The following ITGA9 variants were observed in gnomAD, a reference collection of about 807,000 sequenced individuals.
ITGA9 encodes the protein integrin subunit alpha 9.
Under a neutral mutation model 127.8 loss-of-function variants are expected in ITGA9, and 56 were observed. The ratio of observed to expected loss-of-function variants is 0.44; its 90% confidence interval spans 0.35 to 0.55. ITGA9 has a LOEUF of 0.55. ITGA9 is among the 20% of genes least tolerant of loss of function. The probability of loss-of-function intolerance (pLI) is 0.00; values close to 1 mark genes in which losing one functional copy is unlikely to be tolerated. For missense variants in ITGA9, 1,196 were observed against 1,347.1 expected (o/e 0.89, Z 1.76); for synonymous variants, 508 against 514.5 (o/e 0.99, Z 0.17).
intron 26 of ITGA9, among the ~76,000 whole-genome samples, chr3:37,785,325 A>G (rs1697026718): frequency 6.6e-6 from 1 of 152,198 alleles, no homozygotes; most frequent in Admixed American, 6.5e-5. Flanking sequence ...ATGATTGTCC[A>G]AAGGGAAAAT....
In ITGA9 at chr3:37,452,562, G is replaced by T; in HGVS notation, c.185+3G>T. On this transcript the variant is annotated splice_donor_region_variant and intron_variant, in intron 1 of 27. Coordinates refer to ENST00000264741, the MANE Select transcript of ITGA9 (RefSeq NM_002207.3). The surrounding 1 kb of genome is among the most constrained non-coding windows in gnomAD (Gnocchi z 7.3). The stretch of plus-strand genomic sequence containing the variant: ...CATTTCCACGACAACACGCGCTGGT[G>T]AGTGCCCGCCCGACTCCGCGACCCT... 6.6e-7 allele frequency: 1 copy of T among 1,516,360 alleles called. No individual in the cohort carries two copies. The highest frequency in any genetic ancestry group is 8.8e-7 in the Non-Finnish European group (1 of 1,131,320). 93.9% of individuals were successfully genotyped at this position (1,516,360 alleles called of 1,614,324 possible).
At chr3:37,539,239 T>C (rs1699242994) in intron 14 of ITGA9, among the ~76,000 whole-genome samples, 1 of 152,234 alleles carries the variant, frequency 6.6e-6, no homozygotes, top group Admixed American at 6.5e-5. Context: ...CCTGTGTTAA[T>C]ATGGGTTCTC....
At chr3:37,520,829 G>A (rs562268498) in intron 11 of ITGA9, among the ~76,000 whole-genome samples, 1 of 152,252 alleles carries the variant, frequency 6.6e-6, no homozygotes, top group South Asian at 2.1e-4. Context: ...CTCGGGCAGC[G>A]GTCAGGGTCA....
intron 4 of ITGA9, among the ~76,000 whole-genome samples, chr3:37,494,262 G>A (rs929243764): frequency 2.6e-5 from 4 of 152,174 alleles, no homozygotes; most frequent in African/African-American, 9.7e-5. Context: ...TCGCACACGA[G>A]GGGAGGAAGT....
At chr3:37,802,588 T>G (rs2125561915) in intron 26 of ITGA9, among the ~76,000 whole-genome samples, 1 of 152,212 alleles carries the variant, frequency 6.6e-6, no homozygotes, top group Non-Finnish European at 1.5e-5. Context: ...GGGACAGTGG[T>G]GTATTGGGGA....
chr3:37,741,066 A>T (rs936659286), intron 20 of ITGA9, among the ~76,000 whole-genome samples: 4 of 152,106 alleles, frequency 2.6e-5, no homozygotes, highest in African/African-American at 9.7e-5. Flanking sequence ...CAATACCCTA[A>T]CTTCATTGGT....
chr3:37,493,960 CCCCTTTCCTTCCACA>C (rs777339307), intron 4 of ITGA9, among the ~76,000 whole-genome samples: 254 of 152,114 alleles, frequency 1.7e-3, no homozygotes, highest in Non-Finnish European at 2.6e-3. Context: ...AGAGATCTTC[CCCCTTTCCTTCCACA>C]CAGCAATAGT....
chr3:37,494,799 C>G (rs1447120009), intron 5 of ITGA9, among the ~76,000 whole-genome samples: 1 of 152,010 alleles, frequency 6.6e-6, no homozygotes, highest in Non-Finnish European at 1.5e-5. Context: ...TCGAGGCTAC[C>G]CCTATTTGAT....
rs1438766445 is a variant in ITGA9, at chr3:37,770,192, G to A, written c.2542-7200G>A. Among the ~76,000 whole-genome samples, 3 of 152,198 alleles carry A rather than the reference G, an allele frequency of 2.0e-5. No homozygotes were observed. In the East Asian group the frequency reaches 5.8e-4, roughly 29 times the overall value. Reference sequence around the variant, plus strand: ...TTATATGGTCACCCTTCTGAGAGCAGTACCCTCCACACATGGGTGCCGTAA... The same window carrying A: ...TTATATGGTCACCCTTCTGAGAGCAATACCCTCCACACATGGGTGCCGTAA... On this transcript the variant is annotated intron_variant, in intron 23 of 27. Coordinates refer to ENST00000264741, the MANE Select transcript of ITGA9 (RefSeq NM_002207.3).
Position 37,777,464 on chromosome 3 carries a change from A to G in ITGA9, c.2614A>G (p.Asn872Asp). Residue 872 changes from asparagine (N) to aspartate (D), a missense_variant, in exon 24 of 28, where the codon AAT becomes GAT. Physicochemically the swap from Asn to Asp is conservative, Grantham distance 23 (BLOSUM62 1). Transcript: ENST00000264741. ...CTGCATCATCCCTCAAGAACAAGAA[A>G]ATATCTTCCACACAATATTTGCTTT... ...TPCIIPQEQE[N>D]IFHTIFAFFT... is the part of the protein sequence containing the mutation. 6.2e-7 allele frequency: 1 copy of G among 1,614,168 alleles called. No individual in the cohort carries two copies. Among genetic ancestry groups the G allele is most frequent in the Non-Finnish European group, 8.5e-7 (1 of 1,180,008 alleles).
rs1698807187 is a variant in ITGA9 at position 37,503,278 on chromosome 3, T to C, written c.713T>C (p.Val238Ala). ...ACCTATTTAAAACTGAACGACGAAG[T>C]GATCATGAACAGGCGGTACACCTAC... ...DNTYLKLNDE[V>A]IMNRRYTYLG... Residue 238 changes from valine to alanine, a missense_variant, in exon 6 of 28, where the codon GTG becomes GCG. By Grantham distance (64) the Val-to-Ala change is moderately conservative (BLOSUM62 0). Coordinates refer to ENST00000264741, the MANE Select transcript of ITGA9 (RefSeq NM_002207.3). 1 of 1,613,918 alleles carries C rather than the reference T, an allele frequency of 6.2e-7. No individual in the cohort carries two copies. Among genetic ancestry groups the C allele is most frequent in the Non-Finnish European group, 8.5e-7 (1 of 1,179,986 alleles).
intron 1 of ITGA9, among the ~76,000 whole-genome samples, chr3:37,461,534 C>A (rs1698316611): frequency 6.6e-6 from 1 of 152,134 alleles, no homozygotes; most frequent in Admixed American, 6.5e-5. Context: ...ATTTATGAAA[C>A]CAATGGTCTT....
chr3:37,800,962 C>T (rs1469682686), intron 26 of ITGA9, among the ~76,000 whole-genome samples: 1 of 152,004 alleles, frequency 6.6e-6, no homozygotes. Context: ...GCCAGGAGTT[C>T]GAGACCAGCC....
intron 18 of ITGA9, among the ~76,000 whole-genome samples, chr3:37,718,400 C>T (rs1306995524): frequency 6.6e-6 from 1 of 152,200 alleles, no homozygotes; most frequent in Non-Finnish European, 1.5e-5. Flanking sequence ...CTCCAGACAA[C>T]TGACTCAAAG....
chr3:37,671,660 C>G (rs1409149149), intron 17 of ITGA9, among the ~76,000 whole-genome samples: 1 of 152,080 alleles, frequency 6.6e-6, no homozygotes, highest in Non-Finnish European at 1.5e-5. Flanking sequence ...GTGAGTTTTT[C>G]AAACCAGAAA....
intron 15 of ITGA9, among the ~76,000 whole-genome samples, chr3:37,557,888 G>A (rs1448627150): frequency 6.6e-6 from 1 of 152,152 alleles, no homozygotes; most frequent in Non-Finnish European, 1.5e-5. Context: ...CTCACAGCTG[G>A]TAAGCAGCCA....
chr3:37,465,375 A>G (rs1416111577), intron 1 of ITGA9, among the ~76,000 whole-genome samples: 1 of 152,202 alleles, frequency 6.6e-6, no homozygotes, highest in Non-Finnish European at 1.5e-5. Flanking sequence ...GGAAAAATGC[A>G]GGGCACTTAA....
chr3:37,613,134 C>A (rs545518241), intron 15 of ITGA9, among the ~76,000 whole-genome samples: 1 of 147,594 alleles, frequency 6.8e-6, no homozygotes, highest in East Asian at 2.1e-4. Flanking sequence ...CCACAACAGT[C>A]CCCAGTATGT....
intron 25 of ITGA9, 74 bp downstream of exon 25, chr3:37,780,095 A>G: frequency 1.3e-6 from 2 of 1,556,820 alleles, no homozygotes; most frequent in Non-Finnish European, 1.8e-6. Flanking sequence ...TTTGGGTAAA[A>G]AAAAGGAAAA....
Sources: gnomAD v4.1 joint callset for allele counts (sites outside exome capture counted in the v4.1 genomes callset) on GRCh38, gnomAD v4.1.1 for gene constraint, Gnocchi (gnomAD v3.1) non-coding constraint, MANE v1.5 for transcripts, NCBI Gene and HGNC (gene_info 2026-07-23, HGNC 2026-07-21) for gene names.